UACA: variants seen among roughly 807,000 people sequenced by gnomAD.
UACA encodes uveal autoantigen with coiled-coil domains and ankyrin repeats.
In UACA, 112 loss-of-function variants were observed where a neutral mutation model predicts 160.5. That is an observed-to-expected ratio of 0.70 (90% CI 0.60 to 0.82). UACA has a LOEUF of 0.82. Ranked by LOEUF, UACA falls within the 40% of genes least tolerant of loss-of-function variation. The pLI is 0.00. For missense variants in UACA, 1,574 were observed against 1,614.6 expected, an observed-to-expected ratio of 0.97 and a Z score of 0.43; for synonymous variants, 557 against 568.4, an observed-to-expected ratio of 0.98 and a Z score of 0.29.
chr15:70,716,005 T>C (rs1031667328), intron 1 of UACA, among the ~76,000 whole-genome samples: 2 of 152,240 alleles, frequency 1.3e-5, no homozygotes, highest in Non-Finnish European at 2.9e-5. Context: ...TATCCATTTC[T>C]TTCACTGCTA....
intron 1 of UACA, among the ~76,000 whole-genome samples, chr15:70,715,589 A>T (rs11637305): frequency 0.019 from 2,854 of 152,318 alleles, 41 homozygotes; most frequent in South Asian, 0.029. Context: ...AGGAAAGCAT[A>T]TGTTTTTGTA....
chr15:70,703,090 T>C (rs1393218426), intron 1 of UACA: 3 of 1,288,186 alleles, frequency 2.3e-6, no homozygotes, highest in Non-Finnish European at 3.0e-6. Flanking sequence ...AGCAGATAAC[T>C]TCTCTGCATT....
At chr15:70,709,490 G>A (rs559880317) in intron 1 of UACA, among the ~76,000 whole-genome samples, 1 of 152,214 alleles carries the variant, frequency 6.6e-6, no homozygotes, top group South Asian at 2.1e-4. Flanking sequence ...AACTATTCCA[G>A]ATATATAAAA....
intron 1 of UACA, among the ~76,000 whole-genome samples, chr15:70,702,841 C>T (rs576029855): frequency 6.6e-6 from 1 of 152,208 alleles, no homozygotes; most frequent in South Asian, 2.1e-4. Flanking sequence ...GAGGCACTGC[C>T]AAAACATTAA....
Position 70,684,271 on chromosome 15 carries a change from T to C in UACA, c.778A>G (p.Asn260Asp), listed in dbSNP as rs753257290. Residue 260 changes from asparagine (N) to aspartate (D), a missense_variant, in exon 8 of 19, where the codon AAC (asparagine) becomes GAC (aspartate). Physicochemically the swap from Asn to Asp is conservative, Grantham distance 23. Coordinates refer to ENST00000322954, the MANE Select transcript of UACA (RefSeq NM_018003.4). ...TACAGAAAACTGCTGATACCTTTGT[T>C]GGTATTTTCCGATGCAGTCTTCAAC... ...TLLKTASENT[N>D]KGRELWKKGP... 1.5e-5 allele frequency: 24 copies of C among 1,602,502 alleles called. No homozygotes were observed. The highest frequency in any genetic ancestry group is 1.9e-5 in the Non-Finnish European group (22 of 1,176,420).
chr15:70,776,531 G>A, the UACA span, among the ~76,000 whole-genome samples: 3 of 150,634 alleles, frequency 2.0e-5, no homozygotes, highest in Non-Finnish European at 4.4e-5. Context: ...AGGTTCAAGC[G>A]ATTCTCCTGC....
chr15:70,684,349 G>A lies in UACA; in HGVS notation c.700C>T (p.His234Tyr). 6.2e-7 allele frequency: 1 copy of A among 1,613,726 alleles called. No homozygotes were observed. ...ADISLLDALG[H>Y]DSSYYARIGD... is the part of the protein sequence containing the mutation. ...ATTCTTGCATAGTAAGAACTATCAT[G>A]GCCAAGCGCATCCAGCAAGCTTATA... Residue 234 changes from histidine (H) to tyrosine (Y), a missense_variant, in exon 8 of 19, where the codon CAT becomes TAT. Coordinates refer to ENST00000322954, the MANE Select transcript of UACA (RefSeq NM_018003.4).
In UACA at chr15:70,667,335, C is replaced by G; in HGVS notation, c.3349G>C (p.Val1117Leu). ...TTAAGAGATTTTTTCAGAGCCTCAA[C>G]CTGTTCCAATGGAACATGTTGTTTT... is the stretch of plus-strand genomic sequence containing the variant. ...LQKQHVPLEQ[V>L]EALKKSLNGT... Residue 1117 changes from valine to leucine, a missense_variant, in exon 16 of 19, where the codon GTT (valine) becomes CTT (leucine). Physicochemically the swap from Val to Leu is conservative, Grantham distance 32. Coordinates refer to ENST00000322954, the MANE Select transcript of UACA (RefSeq NM_018003.4). The G allele has an allele frequency of 6.2e-7, 1 of 1,613,058 alleles. No individual in the cohort carries two copies. Among genetic ancestry groups the G allele is most frequent in the Non-Finnish European group, 8.5e-7 (1 of 1,179,844 alleles).
rs1367322744 is a variant in UACA at position 70,667,069 on chromosome 15, C to A, written c.3615G>T (p.Gln1205His). The stretch of plus-strand genomic sequence containing the variant: ...CTTGTTTAGTATTCTGAACCTCCGA[C>A]TGAAGTTTGGAGACTTCTTCCATTT... ...QNKMEEVSKL[Q>H]SEVQNTKQAL... Residue 1205 changes from glutamine to histidine, a missense_variant, in exon 16 of 19, where the codon CAG becomes CAT. Physicochemically the swap from Gln to His is conservative, Grantham distance 24. Coordinates refer to ENST00000322954, the MANE Select transcript of UACA (RefSeq NM_018003.4). The A allele has an allele frequency of 1.2e-6, 2 of 1,613,430 alleles. No homozygotes were observed. The highest frequency in any genetic ancestry group is 1.3e-5 in the African/African-American group (1 of 74,890).
upstream of UACA, chr15:70,768,424 A>G (rs185985267): frequency 3.5e-3 from 535 of 152,342 alleles, 3 homozygotes; most frequent in Non-Finnish European, 5.4e-3. Flanking sequence ...AGACTTCCCC[A>G]GCATAATTGA....
At position 70,666,861 on chromosome 15, in the gene UACA, T is replaced by C; in HGVS notation, c.3823A>G (p.Lys1275Glu). The change falls in exon 16 of 19, where the codon AAG (lysine) becomes GAG (glutamate). Residue 1275 changes from lysine to glutamate, a missense_variant. Coordinates refer to ENST00000322954, the MANE Select transcript of UACA (RefSeq NM_018003.4). ...TCAATGCTGAAATGCAGTAATTCCT[T>C]CTCATCTTTTGCAGATATTTCCTTC... Reference protein sequence around the residue: ...KKKEISAKDEKELLHFSIEQE... With the variant: ...KKKEISAKDEEELLHFSIEQE... 1 of 1,613,976 alleles carries C rather than the reference T, an allele frequency of 6.2e-7. No homozygotes were observed. The highest frequency in any genetic ancestry group is 8.5e-7 in the Non-Finnish European group (1 of 1,179,958).
intron 1 of UACA, among the ~76,000 whole-genome samples, chr15:70,761,540 T>C (rs2030753565): frequency 6.6e-6 from 1 of 152,230 alleles, no homozygotes; most frequent in Non-Finnish European, 1.5e-5. Context: ...ATGCTTGGTT[T>C]GGTTTTATTC....
At chr15:70,697,145 C>A (rs894227238) in intron 2 of UACA, among the ~76,000 whole-genome samples, 2 of 152,176 alleles carry the variant, frequency 1.3e-5, no homozygotes, top group Non-Finnish European at 2.9e-5. Context: ...AATGTTACTA[C>A]TGAGGACAAC....
At chr15:70,706,001 G>C (rs529261050) in intron 1 of UACA, among the ~76,000 whole-genome samples, 1 of 152,046 alleles carries the variant, frequency 6.6e-6, no homozygotes, top group African/African-American at 2.4e-5. Context: ...TAAGATGCCT[G>C]GTATTTGCTT....
At chr15:70,769,262 C>A in the UACA span, among the ~76,000 whole-genome samples, 1 of 149,010 alleles carries the variant, frequency 6.7e-6, no homozygotes, top group Admixed American at 6.8e-5. Flanking sequence ...TGGCGTGAAC[C>A]CAGGAGGCGG....
At chr15:70,747,376 G>A (rs1216544860) in intron 1 of UACA, among the ~76,000 whole-genome samples, 1 of 151,184 alleles carries the variant, frequency 6.6e-6, no homozygotes, top group Non-Finnish European at 1.5e-5. Context: ...CCCTTTTAGG[G>A]GTTATTTTTG....
At chr15:70,691,716 AAG>A (rs1286388901) in intron 3 of UACA, among the ~76,000 whole-genome samples, 3 of 152,170 alleles carry the variant, frequency 2.0e-5, no homozygotes, top group African/African-American at 7.2e-5. Context: ...ATGAGGAAAG[AAG>A]AGAGAGAAAG....
upstream of UACA, among the ~76,000 whole-genome samples, chr15:70,764,037 A>T (rs1302880671): frequency 6.6e-6 from 1 of 152,196 alleles, no homozygotes; most frequent in Non-Finnish European, 1.5e-5. Flanking sequence ...CACCACACGC[A>T]TCAAAAATTC....
rs917685152 is a variant in UACA at position 70,657,328 on chromosome 15, C to T, written c.4180-201G>A. On this transcript the variant is annotated intron_variant, in intron 18 of 18. Transcript: ENST00000322954. ...ATAAGATCAATTAATAAGGAGTGCA[C>T]GGCCGGGCGTGGTGGCTCACGCCTG... Among the ~76,000 whole-genome samples the T allele has an allele frequency of 7.2e-5, 11 of 152,198 alleles. No homozygotes were observed. The East Asian group carries it at 1.7e-3, about 24-fold the overall frequency.
Sources: allele counts gnomAD v4.1 joint callset (sites outside exome capture counted in the v4.1 genomes callset), GRCh38; gene constraint gnomAD v4.1.1; transcripts MANE v1.5; gene names NCBI Gene and HGNC (gene_info 2026-07-23, HGNC 2026-07-21).